The following RALYL variants were observed in gnomAD, a reference collection of about 807,000 sequenced individuals.
The protein encoded by RALYL is RALY RNA binding protein like.
A neutral mutation model predicts 35.1 loss-of-function variants in RALYL; 29 were observed. The observed-to-expected ratio is 0.83, with a 90% CI of 0.61 to 1.13. The LOEUF (loss-of-function observed/expected upper bound fraction) is 1.13, where lower values mean the gene tolerates loss of function less well. Among genes scored for constraint, RALYL ranks in the 50% most tolerant of loss-of-function variants. The pLI is 0.00. For synonymous variants in RALYL, 120 were observed against 127.6 expected, an observed-to-expected ratio of 0.94 and a Z score of 0.40; for missense variants, 359 against 360.4, an observed-to-expected ratio of 1.00 and a Z score of 0.03.
intron 1 of RALYL, among the ~76,000 whole-genome samples, chr8:84,326,481 C>T (rs535496748): frequency 6.6e-6 from 1 of 152,244 alleles, no homozygotes; most frequent in African/African-American, 2.4e-5. Context: ...GAAGTAATCC[C>T]TACAATGGGT....
intron 2 of RALYL, among the ~76,000 whole-genome samples, chr8:84,537,159 TAAAA>T (rs11284312): frequency 6.5e-5 from 9 of 139,104 alleles, no homozygotes; most frequent in Admixed American, 2.2e-4. Flanking sequence ...ATATATATAT[TAAAA>T]AAAAAAAAAA....
chr8:84,673,428 G>T (rs1833629621), intron 2 of RALYL, among the ~76,000 whole-genome samples: 1 of 151,902 alleles, frequency 6.6e-6, no homozygotes, highest in Non-Finnish European at 1.5e-5. Flanking sequence ...GGGTGTCTTT[G>T]TCATGCAATT....
At chr8:84,622,404 G>A (rs972889825) in intron 2 of RALYL, among the ~76,000 whole-genome samples, 3 of 152,166 alleles carry the variant, frequency 2.0e-5, no homozygotes, top group East Asian at 1.9e-4. Context: ...TATGAGCATC[G>A]TTTACTAGGC....
At chr8:84,843,094 G>A (rs558278775) in intron 4 of RALYL, among the ~76,000 whole-genome samples, 1,901 of 152,086 alleles carry the variant, frequency 0.012, 40 homozygotes, top group African/African-American at 0.04. Flanking sequence ...CCTATTCAAC[G>A]TAGTGTTGGA....
chr8:84,788,292 T>C (rs576694794), intron 3 of RALYL, among the ~76,000 whole-genome samples: 1 of 152,304 alleles, frequency 6.6e-6, no homozygotes, highest in South Asian at 2.1e-4. Flanking sequence ...CCATATGATC[T>C]TTGACAAACC....
chr8:84,281,713 GTGTGCACGCATGTATATA>G lies in RALYL; in HGVS notation c.-24+97293_-24+97310del, dbSNP rs1477747497. Among the ~76,000 whole-genome samples, 18 of 151,442 alleles carry G rather than the reference GTGTGCACGCATGTATATA, an allele frequency of 1.2e-4. No homozygotes were observed. The East Asian group carries it at 3.5e-3, about 29-fold the overall frequency. ...TAAGAAAAATTGTATGTGTATGTGT[GTGTGCACGCATGTATATA>G]TGTAATCTCCAAGTGTATGTGTGTG... On this transcript the variant is annotated intron_variant, in intron 1 of 8. Coordinates refer to ENST00000521268, the MANE Select transcript of RALYL (RefSeq NM_173848.7).
At chr8:84,595,458 A>G (rs887084970) in intron 2 of RALYL, among the ~76,000 whole-genome samples, 1 of 152,172 alleles carries the variant, frequency 6.6e-6, no homozygotes, top group African/African-American at 2.4e-5. Context: ...TTGTTAGAGT[A>G]TCTACAGTGT....
At chr8:84,371,653 C>T (rs996327889) in intron 1 of RALYL, among the ~76,000 whole-genome samples, 2 of 151,510 alleles carry the variant, frequency 1.3e-5, no homozygotes, top group African/African-American at 4.8e-5. Flanking sequence ...ATTCAAAGTT[C>T]CTAAGGGGGC....
At chr8:84,619,845 A>G (rs1820868762) in intron 2 of RALYL, among the ~76,000 whole-genome samples, 1 of 150,034 alleles carries the variant, frequency 6.7e-6, no homozygotes, top group Non-Finnish European at 1.5e-5. Context: ...TTTCTCCTTC[A>G]CTTATGAAGC....
intron 2 of RALYL, among the ~76,000 whole-genome samples, chr8:84,686,643 G>A (rs2132075416): frequency 6.6e-6 from 1 of 152,080 alleles, no homozygotes; most frequent in African/African-American, 2.4e-5. Context: ...GACCTCAAAT[G>A]ATCCTCCCAT....
intron 1 of RALYL, among the ~76,000 whole-genome samples, chr8:84,362,559 G>A (rs983075810): frequency 6.6e-6 from 1 of 152,252 alleles, no homozygotes; most frequent in South Asian, 2.1e-4. Flanking sequence ...TCACAGAAGC[G>A]TGAACCCTGT....
intron 1 of RALYL, among the ~76,000 whole-genome samples, chr8:84,431,256 G>C (rs910042043): frequency 1.3e-5 from 2 of 152,000 alleles, no homozygotes; most frequent in African/African-American, 2.4e-5. Flanking sequence ...AGATAGGAGT[G>C]TCAGAACCAG....
intron 1 of RALYL, among the ~76,000 whole-genome samples, chr8:84,312,804 C>G (rs1179054620): frequency 6.6e-6 from 1 of 152,196 alleles, no homozygotes; most frequent in East Asian, 1.9e-4. Context: ...GCACATGGTG[C>G]AAGCTGTCAG....
At chr8:84,525,465 T>G (rs2058809710) in intron 1 of RALYL, among the ~76,000 whole-genome samples, 1 of 152,118 alleles carries the variant, frequency 6.6e-6, no homozygotes, top group Non-Finnish European at 1.5e-5. Flanking sequence ...TCTGGTGTGG[T>G]TATATACATA....
chr8:84,294,325 A>C (rs1839347613), intron 1 of RALYL, among the ~76,000 whole-genome samples: 1 of 152,090 alleles, frequency 6.6e-6, no homozygotes, highest in South Asian at 2.1e-4. Context: ...GAGATGTAGA[A>C]AAGTTATTTT....
intron 1 of RALYL, among the ~76,000 whole-genome samples, chr8:84,335,709 CTTTT>C (rs548185561): frequency 4.5e-4 from 38 of 85,226 alleles, no homozygotes; most frequent in African/African-American, 1.0e-3. Context: ...GTTTTCTTAC[CTTTT>C]TTTTTTTTTT....
chr8:84,851,751 C>T lies in RALYL; in HGVS notation c.413+1724C>T, dbSNP rs146861489. 1.6e-3 allele frequency among the ~76,000 whole-genome samples: 247 copies of T among 152,308 alleles called. 2 individuals are homozygous for T. The highest frequency in any genetic ancestry group is 2.8e-3 in the Non-Finnish European group (189 of 68,020). On this transcript the variant is annotated intron_variant, in intron 5 of 8. Coordinates refer to ENST00000521268, the MANE Select transcript of RALYL (RefSeq NM_173848.7). Reference sequence around the variant, plus strand: ...TGTTCCATCTCCTCATACCTCCCTACACTACCTGGTTCACTTGACTCCTCA... The same window carrying T: ...TGTTCCATCTCCTCATACCTCCCTATACTACCTGGTTCACTTGACTCCTCA...
At chr8:84,528,594 C>G (rs891646182) in intron 1 of RALYL, among the ~76,000 whole-genome samples, 4 of 152,006 alleles carry the variant, frequency 2.6e-5, no homozygotes, top group African/African-American at 9.7e-5. Flanking sequence ...TACTAATTTG[C>G]TGATCATTGA....
chr8:84,678,914 C>A, intron 2 of RALYL: 1 of 203,694 alleles, frequency 4.9e-6, no homozygotes, highest in South Asian at 7.8e-5. Context: ...GTGGTCAGAG[C>A]ACTTATTCTA....
Sources: gnomAD v4.1 joint callset for allele counts (sites outside exome capture counted in the v4.1 genomes callset) on GRCh38, gnomAD v4.1.1 for gene constraint, MANE v1.5 for transcripts, NCBI Gene and HGNC (gene_info 2026-07-23, HGNC 2026-07-21) for gene names.